The following TMEM44 variants were observed in gnomAD, a reference collection of about 807,000 sequenced individuals.
The protein encoded by TMEM44 is transmembrane protein 44.
A neutral mutation model predicts 47.8 loss-of-function variants in TMEM44; 43 were observed. The observed-to-expected ratio is 0.90, with a 90% CI of 0.70 to 1.16. The LOEUF is 1.16. Among genes scored for constraint, TMEM44 ranks in the 50% most tolerant of loss-of-function variants. The pLI is 0.00. For synonymous variants in TMEM44, 277 were observed against 238.8 expected (o/e 1.16, Z -1.48); for missense variants, 568 against 555.2 (o/e 1.02, Z -0.23).
chr3:194,593,147 G>A (rs528475312), intron 9 of TMEM44: 2 of 1,506,830 alleles, frequency 1.3e-6, no homozygotes, highest in East Asian at 2.3e-5. Flanking sequence ...GCAGAGCTCA[G>A]GACCAGCTCC....
intron 9 of TMEM44, among the ~76,000 whole-genome samples, chr3:194,591,205 TAA>T (rs1712649663): frequency 6.8e-6 from 1 of 146,428 alleles, no homozygotes; most frequent in Non-Finnish European, 1.5e-5. Flanking sequence ...AAGAAATAAA[TAA>T]ATAGGCTGGG....
Position 194,588,160 on chromosome 3 carries a change from ATC to A in TMEM44, c.*367_*368del, listed in dbSNP as rs1489084892. On this transcript the variant is annotated 3_prime_UTR_variant, in exon 10 of 10. Transcript: ENST00000347147. ...TGAGATCTAACCAGACACATTTGCT[ATC>A]TGTTAGGTGAGCTCATTCCTGGAAC... 1 of 193,958 alleles carries A rather than the reference ATC, an allele frequency of 5.2e-6. No individual in the cohort carries two copies. Among genetic ancestry groups the A allele is most frequent in the Non-Finnish European group, 1.1e-5 (1 of 94,104 alleles). 12.0% of individuals were successfully genotyped at this position (193,958 alleles called of 1,614,324 possible). A position where few individuals can be genotyped will look rare whatever the true frequency, so the allele number is the denominator to read the frequency against.
intron 7 of TMEM44, among the ~76,000 whole-genome samples, chr3:194,612,014 C>T (rs998461729): frequency 3.8e-5 from 5 of 131,884 alleles, no homozygotes; most frequent in South Asian, 2.3e-4. Context: ...AGTGAGACTC[C>T]GTCTCAAAAA....
At chr3:194,593,593 G>C (rs987753347) in intron 9 of TMEM44, among the ~76,000 whole-genome samples, 2 of 152,078 alleles carry the variant, frequency 1.3e-5, no homozygotes, top group Non-Finnish European at 2.9e-5. Context: ...TGCAGGGCAG[G>C]CATCACGTCT....
chr3:194,620,896 G>A (rs145977384), intron 5 of TMEM44, among the ~76,000 whole-genome samples: 1,793 of 152,112 alleles, frequency 0.012, 27 homozygotes, highest in Admixed American at 0.018. Flanking sequence ...GCGTGGTGGC[G>A]TGTGCCTGTA....
intron 9 of TMEM44, chr3:194,590,397 T>C (rs1202338695): frequency 1.3e-5 from 2 of 152,232 alleles, no homozygotes; most frequent in African/African-American, 4.8e-5. Context: ...GCCAGCCACT[T>C]CCAGTGAGAA....
rs183333976 is a variant in TMEM44, at chr3:194,617,770, G to T, written c.613-501C>A. On this transcript the variant is annotated intron_variant, in intron 5 of 9. Coordinates refer to ENST00000347147, the MANE Select transcript of TMEM44 (RefSeq NM_001011655.3). ...TGAGTCGTAATCCCCAGTGTCGGAGGTGGGGCCTGGTGGGAGGTGGTTGGG... is the reference window on the plus strand; with the variant it reads ...TGAGTCGTAATCCCCAGTGTCGGAGTTGGGGCCTGGTGGGAGGTGGTTGGG... 527 of 703,172 alleles carry T rather than the reference G, an allele frequency of 7.5e-4. 1 individual carries two copies. In the African/African-American group the frequency reaches 7.9e-3, roughly 10 times the overall value. 43.6% of individuals were successfully genotyped at this position (703,172 alleles called of 1,614,324 possible).
In TMEM44 at chr3:194,607,580, T is replaced by G. The variant is rs191382081; in HGVS notation, c.1018-3135A>C. On this transcript the variant is annotated intron_variant, in intron 8 of 9. Coordinates refer to ENST00000347147, the MANE Select transcript of TMEM44 (RefSeq NM_001011655.3). Reference sequence around the variant, plus strand: ...ACAGGTCTGAATCCGGTTCTATCACTGACAAACTGTGTGACCTTGAGCAGG... The same window carrying G: ...ACAGGTCTGAATCCGGTTCTATCACGGACAAACTGTGTGACCTTGAGCAGG... Among the ~76,000 whole-genome samples the G allele has an allele frequency of 3.9e-5, 6 of 152,308 alleles. No homozygotes were observed. The East Asian group carries it at 1.2e-3, about 29-fold the overall frequency.
intron 8 of TMEM44, among the ~76,000 whole-genome samples, chr3:194,606,251 G>C (rs789851): frequency 0.99 from 150,711 of 152,316 alleles, 74,567 homozygotes; most frequent in East Asian, 1. Context: ...TGCTGCTCCC[G>C]CTGCGTCTCC....
rs190188180 is a variant in TMEM44, at chr3:194,617,746, G to A, written c.613-477C>T. The A allele has an allele frequency of 8.6e-4, 603 of 703,946 alleles. 2 individuals are homozygous for A. The African/African-American group carries it at 8.9e-3, about 10-fold the overall frequency. The allele number at this position is 703,946 out of a possible 1,614,324, so 43.6% of individuals were successfully genotyped here. A position where few individuals can be genotyped will look rare whatever the true frequency, so the allele number is the denominator to read the frequency against. On this transcript the variant is annotated intron_variant, in intron 5 of 9. Transcript: ENST00000347147. Reference sequence around the variant, plus strand: ...ATTTGTCCCCGCCAGATCTCATGTTGAGTCGTAATCCCCAGTGTCGGAGGT... The same window carrying A: ...ATTTGTCCCCGCCAGATCTCATGTTAAGTCGTAATCCCCAGTGTCGGAGGT...
At chr3:194,608,211 G>A (rs1714964657) in intron 8 of TMEM44, among the ~76,000 whole-genome samples, 1 of 152,190 alleles carries the variant, frequency 6.6e-6, no homozygotes. Flanking sequence ...AGCTACAAAG[G>A]CATGCTCTGA....
chr3:194,589,319 C>T (rs1033046759), intron 9 of TMEM44, among the ~76,000 whole-genome samples: 1 of 152,280 alleles, frequency 6.6e-6, no homozygotes, highest in Admixed American at 6.5e-5. Flanking sequence ...TCTTTATGGG[C>T]CAGGTAAATA....
chr3:194,604,245 G>C (rs572798329), intron 9 of TMEM44, 42 bp downstream of exon 9: 2 of 1,560,528 alleles, frequency 1.3e-6, no homozygotes. Flanking sequence ...GTCGGCGAAC[G>C]ATGGCACCCA....
intron 1 of TMEM44, among the ~76,000 whole-genome samples, chr3:194,632,105 A>G (rs1717883059): frequency 1.3e-5 from 2 of 152,224 alleles, no homozygotes; most frequent in Non-Finnish European, 2.9e-5. Flanking sequence ...TTAACCTCTC[A>G]GAACCTCAGG....
At position 194,594,255 on chromosome 3, in the gene TMEM44, C is replaced by T. The variant is rs147436219; in HGVS notation, c.1177-5616G>A. Among the ~76,000 whole-genome samples, 1,092 of 152,100 alleles carry T rather than the reference C, an allele frequency of 7.2e-3. 16 individuals carry two copies. The highest frequency in any genetic ancestry group is 0.023 in the African/African-American group (936 of 41,464). ...CTCGGCTCACTGCAATCTCTGCCTC[C>T]CAGGTTCAAGCAATTCTCCTGCCTC... On this transcript the variant is annotated intron_variant, in intron 9 of 9. Transcript: ENST00000347147.
At chr3:194,614,192 A>T (rs1156765042) in intron 7 of TMEM44, among the ~76,000 whole-genome samples, 1 of 152,178 alleles carries the variant, frequency 6.6e-6, no homozygotes, top group Non-Finnish European at 1.5e-5. Context: ...AAGTAGTTAC[A>T]TTGCAGTGAC....
intron 9 of TMEM44, among the ~76,000 whole-genome samples, chr3:194,603,078 G>T (rs553098342): frequency 1.3e-5 from 2 of 152,252 alleles, no homozygotes; most frequent in East Asian, 3.9e-4. Flanking sequence ...ACATACAAGC[G>T]GCCGCTACAT....
chr3:194,623,093 A>T, intron 5 of TMEM44, 131 bp downstream of exon 5: 1 of 852,534 alleles, frequency 1.2e-6, no homozygotes. Flanking sequence ...AACGCTCTTC[A>T]GGAAAAGCTG....
intron 3 of TMEM44, among the ~76,000 whole-genome samples, chr3:194,623,959 CT>C (rs61604326): frequency 0.094 from 14,329 of 152,190 alleles, 1,033 homozygotes; most frequent in East Asian, 0.28. Context: ...ACATTATCTT[CT>C]CTCTATGCAT....
Sources: allele counts gnomAD v4.1 joint callset (sites outside exome capture counted in the v4.1 genomes callset), GRCh38; gene constraint gnomAD v4.1.1; transcripts MANE v1.5; gene names NCBI Gene and HGNC (gene_info 2026-07-23, HGNC 2026-07-21).